GALNT13: variants seen among roughly 807,000 people sequenced by gnomAD.
GALNT13 encodes UDP-GalNAc:polypeptide N-acetylgalactosaminyltransferase 13.
GALNT13 carries 28 observed loss-of-function variants against 64.2 expected under a neutral mutation model. The ratio of observed to expected loss-of-function variants is 0.44; its 90% confidence interval spans 0.32 to 0.60. The LOEUF (loss-of-function observed/expected upper bound fraction) is 0.60, where lower values mean the gene tolerates loss of function less well. GALNT13 is among the 20% of genes least tolerant of loss of function. The pLI is 0.05. For missense variants in GALNT13, 577 were observed against 669.8 expected, an observed-to-expected ratio of 0.86 and a Z score of 1.53; for synonymous variants, 214 against 224.6, an observed-to-expected ratio of 0.95 and a Z score of 0.42.
chr2:153,899,521 A>G (rs1031090652), intron 1 of GALNT13, among the ~76,000 whole-genome samples: 7 of 152,122 alleles, frequency 4.6e-5, no homozygotes, highest in Non-Finnish European at 8.8e-5. Context: ...TGCTAACTAT[A>G]TTTAGTTTTC....
chr2:153,995,250 TA>T (rs1029235113), intron 3 of GALNT13, among the ~76,000 whole-genome samples: 35 of 152,158 alleles, frequency 2.3e-4, no homozygotes, highest in Non-Finnish European at 8.8e-5. Flanking sequence ...TTAAAATGCA[TA>T]AAATCAACGC....
the GALNT13 span, among the ~76,000 whole-genome samples, chr2:153,403,670 G>A: frequency 2.0e-5 from 3 of 152,154 alleles, no homozygotes; most frequent in Non-Finnish European, 2.9e-5. Context: ...CACAGTATTC[G>A]GGTGGGAGTG....
rs186816321 is a variant in GALNT13, at chr2:154,073,593, T to C, written c.143-66744T>C. On this transcript the variant is annotated intron_variant, in intron 3 of 12. Transcript: ENST00000392825. ...AAATCTGCATAGCCCAAATAACCAG[T>C]ATTTTCCAAATGACTAATGCAGAAT... Among the ~76,000 whole-genome samples the C allele has an allele frequency of 3.3e-5, 5 of 152,038 alleles. No individual in the cohort carries two copies. In the East Asian group the frequency reaches 9.7e-4, roughly 29 times the overall value.
At chr2:154,044,600 G>A (rs1322587706) in intron 3 of GALNT13, among the ~76,000 whole-genome samples, 1 of 152,102 alleles carries the variant, frequency 6.6e-6, no homozygotes, top group African/African-American at 2.4e-5. Context: ...CAGAGGGCTG[G>A]GAGGGAGATG....
At chr2:153,949,714 A>G (rs1056519374) in intron 3 of GALNT13, among the ~76,000 whole-genome samples, 1 of 152,040 alleles carries the variant, frequency 6.6e-6, no homozygotes, top group African/African-American at 2.4e-5. Flanking sequence ...ATTTAGTGTA[A>G]TTAAGGCTAT....
chr2:153,786,092 T>TGAAAGCC, the GALNT13 span, among the ~76,000 whole-genome samples: 1 of 151,822 alleles, frequency 6.6e-6, no homozygotes, highest in Non-Finnish European at 1.5e-5. Flanking sequence ...CAGGGGCAAT[T>TGAAAGCC]CCTCACTTCT....
chr2:153,740,180 T>G, the GALNT13 span, among the ~76,000 whole-genome samples: 2 of 152,000 alleles, frequency 1.3e-5, no homozygotes, highest in African/African-American at 2.4e-5. Flanking sequence ...TCAAATATAT[T>G]TTCAACCTGG....
At chr2:153,081,520 A>G in the GALNT13 span, among the ~76,000 whole-genome samples, 1 of 151,456 alleles carries the variant, frequency 6.6e-6, no homozygotes, top group Non-Finnish European at 1.5e-5. Context: ...CCCTCCCACT[A>G]CTCTTCCCAG....
At chr2:153,553,814 T>C in the GALNT13 span, among the ~76,000 whole-genome samples, 1 of 152,044 alleles carries the variant, frequency 6.6e-6, no homozygotes. Flanking sequence ...AGAAATAGAC[T>C]TCAGACAGAG....
At chr2:153,709,096 T>C in the GALNT13 span, among the ~76,000 whole-genome samples, 7 of 152,082 alleles carry the variant, frequency 4.6e-5, no homozygotes, top group African/African-American at 1.7e-4. Context: ...AATTTGACCC[T>C]GAAAGCACAG....
chr2:153,479,248 C>G, the GALNT13 span, among the ~76,000 whole-genome samples: 5 of 152,164 alleles, frequency 3.3e-5, no homozygotes, highest in African/African-American at 1.2e-4. Context: ...TGCTTGACTC[C>G]GACTCGCCTG....
At chr2:154,192,381 G>A (rs559225898) in intron 4 of GALNT13, among the ~76,000 whole-genome samples, 2 of 152,096 alleles carry the variant, frequency 1.3e-5, no homozygotes, top group African/African-American at 2.4e-5. Flanking sequence ...GTCCAGGCCC[G>A]GGGGTGGAAC....
chr2:153,739,695 A>G, the GALNT13 span, among the ~76,000 whole-genome samples: 8 of 149,404 alleles, frequency 5.4e-5, no homozygotes, highest in South Asian at 2.1e-4. Context: ...TGATTTATCA[A>G]TGTTATCACA....
the GALNT13 span, among the ~76,000 whole-genome samples, chr2:153,864,085 G>A: frequency 6.6e-6 from 1 of 152,158 alleles, no homozygotes; most frequent in Admixed American, 6.5e-5. Context: ...CTGGACAGTA[G>A]TATAATAAGT....
upstream of GALNT13, among the ~76,000 whole-genome samples, chr2:153,868,987 T>A (rs573219983): frequency 2.0e-5 from 3 of 152,292 alleles, no homozygotes; most frequent in South Asian, 4.1e-4. Flanking sequence ...AAAAAAGTAT[T>A]TAAACTTCAA....
the GALNT13 span, among the ~76,000 whole-genome samples, chr2:153,454,158 A>G: frequency 6.6e-6 from 1 of 152,128 alleles, no homozygotes; most frequent in African/African-American, 2.4e-5. Flanking sequence ...TGAAACCCTA[A>G]CTATTCAGTA....
the GALNT13 span, among the ~76,000 whole-genome samples, chr2:153,218,088 GT>G: frequency 6.6e-6 from 1 of 152,236 alleles, no homozygotes; most frequent in South Asian, 2.1e-4. Context: ...TATATTTTGT[GT>G]TTAGGATGGG....
the GALNT13 span, among the ~76,000 whole-genome samples, chr2:153,212,322 C>G: frequency 6.6e-6 from 1 of 152,146 alleles, no homozygotes; most frequent in Non-Finnish European, 1.5e-5. Flanking sequence ...TATTTCTCCT[C>G]CGTCACAGCT....
chr2:153,661,761 T>A, the GALNT13 span, among the ~76,000 whole-genome samples: 1 of 152,206 alleles, frequency 6.6e-6, no homozygotes. Flanking sequence ...CAGCATAGTA[T>A]ATATAGATTG....
Sources: allele counts gnomAD v4.1 joint callset (sites outside exome capture counted in the v4.1 genomes callset), GRCh38; gene constraint gnomAD v4.1.1; transcripts MANE v1.5; gene names NCBI Gene and HGNC (gene_info 2026-07-23, HGNC 2026-07-21).